PPM1H: variants seen among roughly 807,000 people sequenced by gnomAD.
PPM1H encodes protein phosphatase 1H.
In PPM1H, 27 loss-of-function variants were observed where a neutral mutation model predicts 54.9. That is an observed-to-expected ratio of 0.49 (90% CI 0.36 to 0.68). The LOEUF is 0.68. Among genes scored for constraint, PPM1H ranks in the 30% least tolerant of loss-of-function variants. The probability of loss-of-function intolerance (pLI) is 0.00; values close to 1 mark genes in which losing one functional copy is unlikely to be tolerated. For missense variants in PPM1H, 596 were observed against 667.8 expected, an observed-to-expected ratio of 0.89 and a Z score of 1.19; for synonymous variants, 305 against 270.8, an observed-to-expected ratio of 1.13 and a Z score of -1.24.
At chr12:62,804,470 T>C (rs2076792621) in intron 2 of PPM1H, among the ~76,000 whole-genome samples, 2 of 152,172 alleles carry the variant, frequency 1.3e-5, no homozygotes, top group Non-Finnish European at 2.9e-5. Context: ...TTTGTCTTTC[T>C]AGATCTGTGG....
At chr12:62,843,231 G>T (rs1438649316) in intron 1 of PPM1H, among the ~76,000 whole-genome samples, 1 of 152,168 alleles carries the variant, frequency 6.6e-6, no homozygotes, top group Non-Finnish European at 1.5e-5. Context: ...CACGAGAATT[G>T]CTTGGAACCC....
At chr12:62,783,872 C>T (rs979700218) in intron 4 of PPM1H, among the ~76,000 whole-genome samples, 2 of 152,158 alleles carry the variant, frequency 1.3e-5, no homozygotes, top group Non-Finnish European at 2.9e-5. Context: ...TTTGCTTCCT[C>T]AGTGCCTTAG....
intron 8 of PPM1H, among the ~76,000 whole-genome samples, chr12:62,684,871 C>CT (rs903623355): frequency 6.6e-6 from 1 of 152,106 alleles, no homozygotes; most frequent in Non-Finnish European, 1.5e-5. Context: ...CATGGGAATG[C>CT]TTTTGTCACT....
At chr12:62,848,726 C>T (rs540129128) in intron 1 of PPM1H, among the ~76,000 whole-genome samples, 1 of 151,862 alleles carries the variant, frequency 6.6e-6, no homozygotes, top group African/African-American at 2.4e-5. Flanking sequence ...CAGCCTCATT[C>T]CACTGAGCTA....
chr12:62,817,467 A>AAC (rs1555198866), intron 2 of PPM1H, among the ~76,000 whole-genome samples: 3 of 151,232 alleles, frequency 2.0e-5, no homozygotes, highest in African/African-American at 7.3e-5. Context: ...GTCTCAAAAA[A>AAC]AAACAAACAA....
chr12:62,696,758 C>T (rs144018875), intron 6 of PPM1H, among the ~76,000 whole-genome samples: 1 of 152,276 alleles, frequency 6.6e-6, no homozygotes, highest in East Asian at 1.9e-4. Flanking sequence ...CTTATAATGT[C>T]CTGTCTTACA....
At chr12:62,793,585 G>A (rs886799815) in intron 3 of PPM1H, among the ~76,000 whole-genome samples, 1 of 151,938 alleles carries the variant, frequency 6.6e-6, no homozygotes, top group Non-Finnish European at 1.5e-5. Flanking sequence ...TTAGCCGGGT[G>A]TGATGGCGCA....
At chr12:62,734,931 G>A (rs2076342788) in intron 5 of PPM1H, among the ~76,000 whole-genome samples, 1 of 152,090 alleles carries the variant, frequency 6.6e-6, no homozygotes, top group Non-Finnish European at 1.5e-5. Context: ...TGTAGTCCTA[G>A]CTAAACAGAG....
At chr12:62,786,678 C>A (rs1360253332) in intron 4 of PPM1H, among the ~76,000 whole-genome samples, 2 of 152,200 alleles carry the variant, frequency 1.3e-5, no homozygotes, top group Non-Finnish European at 2.9e-5. Context: ...GTTCTCTCTA[C>A]CTCCTTCATT....
chr12:62,768,197 G>T (rs1004391800), intron 4 of PPM1H, among the ~76,000 whole-genome samples: 21 of 152,174 alleles, frequency 1.4e-4, no homozygotes, highest in African/African-American at 3.9e-4. Context: ...GGCCGAGGAA[G>T]GTTGTTCCCT....
intron 4 of PPM1H, among the ~76,000 whole-genome samples, chr12:62,747,334 C>T (rs552493390): frequency 1.3e-5 from 2 of 152,056 alleles, no homozygotes; most frequent in African/African-American, 4.8e-5. Flanking sequence ...TGGGATTTCT[C>T]CATGTTGGTC....
intron 8 of PPM1H, among the ~76,000 whole-genome samples, chr12:62,681,599 G>A (rs1470400349): frequency 2.0e-5 from 3 of 152,122 alleles, no homozygotes; most frequent in Non-Finnish European, 4.4e-5. Context: ...TTTCACACTA[G>A]ACGATTTCTT....
intron 6 of PPM1H, among the ~76,000 whole-genome samples, chr12:62,696,128 C>T (rs1050696739): frequency 1.3e-5 from 2 of 152,118 alleles, no homozygotes; most frequent in Admixed American, 6.5e-5. Flanking sequence ...TAGAGACAGG[C>T]GAAGAGCACT....
At chr12:62,908,242 A>G (rs1871357696) in intron 1 of PPM1H, among the ~76,000 whole-genome samples, 1 of 152,002 alleles carries the variant, frequency 6.6e-6, no homozygotes, top group Non-Finnish European at 1.5e-5. Flanking sequence ...CCCCATCTCT[A>G]CTAAAAGTAC....
At chr12:62,659,284 A>AAAAAAAAAG (rs2075867948) in intron 9 of PPM1H, 1 of 503,772 alleles carries the variant, frequency 2.0e-6, no homozygotes, top group African/African-American at 2.0e-5. Flanking sequence ...AAAAAAAAAA[A>AAAAAAAAAG]AAAAAAAGAG....
chr12:62,836,621 T>C (rs1000897925), intron 1 of PPM1H, among the ~76,000 whole-genome samples: 1 of 152,180 alleles, frequency 6.6e-6, no homozygotes, highest in African/African-American at 2.4e-5. Context: ...CTATGACTTA[T>C]TAAGATTGTG....
In PPM1H at chr12:62,934,797, C is replaced by A; in HGVS notation, c.-61G>T. The A allele has an allele frequency of 7.2e-7, 1 of 1,390,494 alleles. No individual in the cohort carries two copies. The highest frequency in any genetic ancestry group is 9.3e-7 in the Non-Finnish European group (1 of 1,069,888). The allele number at this position is 1,390,494 out of a possible 1,614,324, so 86.1% of individuals were successfully genotyped here. On this transcript the variant is annotated 5_prime_UTR_variant, in exon 1 of 10. Transcript: ENST00000228705. This position sits in a 1 kb window ranked among gnomAD's most constrained non-coding sequence, Gnocchi z 4.2. Reference sequence around the variant, plus strand: ...GAGGCGGCGGGGGCCGGGCAAGGCGCAGCGCGGGGCATGCAGGCTGCGGTG... The same window carrying A: ...GAGGCGGCGGGGGCCGGGCAAGGCGAAGCGCGGGGCATGCAGGCTGCGGTG...
chr12:62,738,715 A>G (rs1423785414), intron 4 of PPM1H, among the ~76,000 whole-genome samples: 2 of 152,070 alleles, frequency 1.3e-5, no homozygotes, highest in Admixed American at 6.6e-5. Context: ...GGAGCTAGAG[A>G]CCTGAGACCT....
intron 1 of PPM1H, among the ~76,000 whole-genome samples, chr12:62,863,307 G>T (rs576690078): frequency 1.3e-5 from 2 of 152,254 alleles, no homozygotes; most frequent in East Asian, 1.9e-4. Flanking sequence ...GGGATTACAG[G>T]CATGAGCGAC....
Sources: gnomAD v4.1 joint callset for allele counts (sites outside exome capture counted in the v4.1 genomes callset) on GRCh38, gnomAD v4.1.1 for gene constraint, Gnocchi (gnomAD v3.1) non-coding constraint, MANE v1.5 for transcripts, NCBI Gene and HGNC (gene_info 2026-07-23, HGNC 2026-07-21) for gene names.